Variants in RAB10 observed in about 807,000 individuals in gnomAD.
RAB10 encodes RAB10, member RAS oncogene family.
A neutral mutation model predicts 25.7 loss-of-function variants in RAB10; 5 were observed. The ratio of observed to expected loss-of-function variants is 0.19; its 90% CI spans 0.10 to 0.41. The LOEUF is 0.41. RAB10 is among the 10% of genes least tolerant of loss of function. RAB10 has a pLI of 1.00. For synonymous variants in RAB10, 89 were observed against 86.4 expected, an observed-to-expected ratio of 1.03 and a Z score of -0.16; for missense variants, 103 against 245.8, an observed-to-expected ratio of 0.42 and a Z score of 3.89.
At chr2:26,035,735 A>G (rs1665751212) in intron 1 of RAB10, among the ~76,000 whole-genome samples, 1 of 152,138 alleles carries the variant, frequency 6.6e-6, no homozygotes, top group Non-Finnish European at 1.5e-5. Flanking sequence ...TTTTAAATGT[A>G]CTTTTATATT....
rs763970530 is a variant in RAB10 at position 26,129,223 on chromosome 2, T to TCA, written c.519+1274_519+1275dup. ...AGTCAGAGGTTGCAGTGAGCCGAGA[T>TCA]CACGCCACTGCATGCCAGCTTGGGG... is the stretch of plus-strand genomic sequence containing the variant. On this transcript the variant is annotated intron_variant, in intron 5 of 5. Coordinates refer to ENST00000264710, the MANE Select transcript of RAB10 (RefSeq NM_016131.5). 5.6e-5 allele frequency among the ~76,000 whole-genome samples: 8 copies of TCA among 143,292 alleles called. No homozygotes were observed. The East Asian group carries it at 1.6e-3, about 29-fold the overall frequency. The allele number at this position is 143,292 out of a possible 152,430, so 94.0% of individuals were successfully genotyped here. A position where few individuals can be genotyped will look rare whatever the true frequency, so the allele number is the denominator to read the frequency against.
At chr2:26,116,129 A>C (rs1336175385) in intron 3 of RAB10, among the ~76,000 whole-genome samples, 6 of 152,088 alleles carry the variant, frequency 3.9e-5, no homozygotes, top group Non-Finnish European at 1.5e-5. Flanking sequence ...GGCCTCCCAA[A>C]GTGCTGGGAT....
At chr2:26,090,374 T>C (rs550529792) in intron 1 of RAB10, among the ~76,000 whole-genome samples, 8 of 152,276 alleles carry the variant, frequency 5.3e-5, no homozygotes, top group Admixed American at 3.9e-4. Flanking sequence ...TTTTATAAAC[T>C]ATTTCTGGTA....
Position 26,034,662 on chromosome 2 carries a change from C to A in RAB10, c.54C>A (p.Ser18=). 6.2e-7 allele frequency: 1 copy of A among 1,614,198 alleles called. No individual in the cohort carries two copies. Among genetic ancestry groups the A allele is most frequent in the South Asian group, 1.1e-5 (1 of 91,086 alleles). ...TCAAGCTGCTCCTGATCGGGGATTC[C>A]GGAGTGGGGAAGACCTGCGTCCTTT... ...LLFKLLLIGD[S]GVGKTCVLFR... Residue 18 remains serine (S), a synonymous_variant, in exon 1 of 6, where the codon TCC becomes TCA. Coordinates refer to ENST00000264710, the MANE Select transcript of RAB10 (RefSeq NM_016131.5).
At chr2:26,054,483 C>T (rs748744346) in intron 1 of RAB10, among the ~76,000 whole-genome samples, 4 of 152,202 alleles carry the variant, frequency 2.6e-5, no homozygotes, top group South Asian at 2.1e-4. Flanking sequence ...AGCCACCACA[C>T]GTGGCCGGAT....
At chr2:26,075,077 T>A (rs552259710) in intron 1 of RAB10, among the ~76,000 whole-genome samples, 2 of 152,330 alleles carry the variant, frequency 1.3e-5, no homozygotes, top group East Asian at 3.8e-4. Context: ...GAGACTGGAC[T>A]GGTTCTAAAT....
At chr2:26,059,272 A>G (rs764714530) in intron 1 of RAB10, among the ~76,000 whole-genome samples, 3 of 152,200 alleles carry the variant, frequency 2.0e-5, no homozygotes, top group Non-Finnish European at 4.4e-5. Context: ...TTGTTTTGCT[A>G]ATGCATTCAT....
At chr2:26,129,268 CAA>C (rs58007291) in intron 5 of RAB10, among the ~76,000 whole-genome samples, 14 of 133,608 alleles carry the variant, frequency 1.0e-4, no homozygotes, top group African/African-American at 4.0e-4. Context: ...GACTCCATCT[CAA>C]AAAAAAAAAA....
At chr2:26,041,042 T>A (rs757018368) in intron 1 of RAB10, among the ~76,000 whole-genome samples, 1 of 152,036 alleles carries the variant, frequency 6.6e-6, no homozygotes, top group Non-Finnish European at 1.5e-5. Flanking sequence ...TTTGTCTTTT[T>A]TTTTTTTCTC....
upstream of RAB10, among the ~76,000 whole-genome samples, chr2:26,033,635 C>T (rs1440346252): frequency 6.6e-6 from 1 of 152,262 alleles, no homozygotes; most frequent in African/African-American, 2.4e-5. Flanking sequence ...AACACATGGC[C>T]ACCCAAGCCC....
At chr2:26,100,056 A>G (rs1456890453) in intron 2 of RAB10, among the ~76,000 whole-genome samples, 2 of 152,166 alleles carry the variant, frequency 1.3e-5, no homozygotes, top group East Asian at 3.8e-4. Flanking sequence ...ATCAGGGAAC[A>G]GGGTCCTTGC....
intron 3 of RAB10, among the ~76,000 whole-genome samples, chr2:26,110,311 C>T (rs1387945622): frequency 1.4e-5 from 2 of 140,908 alleles, no homozygotes; most frequent in African/African-American, 5.3e-5. Context: ...GCACTCCAGC[C>T]TGGGCAACAG....
chr2:26,069,543 G>A (rs1666580578), intron 1 of RAB10, among the ~76,000 whole-genome samples: 1 of 151,970 alleles, frequency 6.6e-6, no homozygotes, highest in East Asian at 2.0e-4. Context: ...GTGGGCGCCT[G>A]TAATCCCAGC....
intron 1 of RAB10, among the ~76,000 whole-genome samples, chr2:26,076,840 AGG>A (rs1428816430): frequency 6.6e-6 from 1 of 151,554 alleles, no homozygotes; most frequent in Non-Finnish European, 1.5e-5. Context: ...GCTACTCGGG[AGG>A]CTGAGGCAGG....
intron 3 of RAB10, among the ~76,000 whole-genome samples, chr2:26,126,214 G>A (rs942740583): frequency 5.9e-5 from 9 of 152,078 alleles, no homozygotes; most frequent in Non-Finnish European, 8.8e-5. Context: ...CCATTAGTCT[G>A]TGTATCTGTC....
intron 3 of RAB10, among the ~76,000 whole-genome samples, chr2:26,116,789 C>G (rs1444511058): frequency 6.6e-6 from 1 of 151,720 alleles, no homozygotes; most frequent in Admixed American, 6.6e-5. Flanking sequence ...ATCTCCTGAC[C>G]TCATGATCTG....
At chr2:26,035,015 G>A (rs193051903) in intron 1 of RAB10, among the ~76,000 whole-genome samples, 2 of 152,246 alleles carry the variant, frequency 1.3e-5, no homozygotes, top group Non-Finnish European at 2.9e-5. Flanking sequence ...TTCTTCAGGC[G>A]ACTGGACTGG....
rs1193563475 is a variant in RAB10 at position 26,051,988 on chromosome 2, C to T, written c.127+17253C>T. On this transcript the variant is annotated intron_variant, in intron 1 of 5. Transcript: ENST00000264710. ...AGGAGAATCACTTGAACCCGGGAGG[C>T]GGAGGTTGCAGTGAGCTGAGATCCC... Among the ~76,000 whole-genome samples the T allele has an allele frequency of 2.6e-5, 4 of 151,024 alleles. No individual in the cohort carries two copies. The East Asian group carries it at 7.8e-4, about 29-fold the overall frequency.
chr2:26,055,414 T>TA (rs1666238936), intron 1 of RAB10, among the ~76,000 whole-genome samples: 1 of 150,122 alleles, frequency 6.7e-6, no homozygotes, highest in South Asian at 2.1e-4. Flanking sequence ...TTTTTGGAGA[T>TA]ACTCACTCTT....
Sources: allele counts gnomAD v4.1 joint callset (sites outside exome capture counted in the v4.1 genomes callset), GRCh38; gene constraint gnomAD v4.1.1; transcripts MANE v1.5; gene names NCBI Gene and HGNC (gene_info 2026-07-23, HGNC 2026-07-21).